The following C11orf65 variants were observed in gnomAD, a reference collection of about 807,000 sequenced individuals.
The protein encoded by C11orf65 is protein MFI.
C11orf65 carries 38 observed loss-of-function variants against 35.3 expected under a neutral mutation model. The ratio of observed to expected loss-of-function variants is 1.08; its 90% CI spans 0.83 to 1.41. The LOEUF is 1.41. C11orf65 is among the 40% of genes most tolerant of loss of function. The pLI, the probability that C11orf65 is intolerant of heterozygous loss-of-function variation, is 0.00. For synonymous variants in C11orf65, 105 were observed against 114.4 expected, an observed-to-expected ratio of 0.92 and a Z score of 0.53; for missense variants, 370 against 367.1, an observed-to-expected ratio of 1.01 and a Z score of -0.06.
At chr11:108,409,399 TATGTA>T (rs2092615505) in intron 3 of C11orf65, among the ~76,000 whole-genome samples, 1 of 152,166 alleles carries the variant, frequency 6.6e-6, no homozygotes, top group Admixed American at 6.5e-5. Context: ...GTATATATGG[TATGTA>T]AGTATACAGA....
downstream of C11orf65, chr11:108,329,043 A>T (rs1565526394): frequency 1.2e-6 from 2 of 1,614,128 alleles, no homozygotes; most frequent in East Asian, 4.5e-5. Context: ...GCTGGAAATT[A>T]TGATGGAGAA....
At chr11:108,334,038 G>T (rs547275130) in intron 3 of C11orf65, 2 of 1,215,766 alleles carry the variant, frequency 1.6e-6, no homozygotes, top group African/African-American at 3.0e-5. Context: ...ATTTGAAATA[G>T]TATTTTTATG....
chr11:108,407,997 TTTA>T (rs140542318), intron 3 of C11orf65, among the ~76,000 whole-genome samples: 8,954 of 139,474 alleles, frequency 0.064, 881 homozygotes, highest in African/African-American at 0.21. Context: ...TTAATTTCTT[TTTA>T]TTATTATTAT....
rs1404859898 is a variant in C11orf65, at chr11:108,401,752, C to G, written c.560+3677G>C. On this transcript the variant is annotated intron_variant, in intron 6 of 8. Coordinates refer to ENST00000393084, the MANE Select transcript of C11orf65 (RefSeq NM_152587.5). ...CACCTAAAATAACAAATATCCTCCT[C>G]TACCCCATCGGTCTCTCTGATTCCT... is the stretch of plus-strand genomic sequence containing the variant. Among the ~76,000 whole-genome samples the G allele has an allele frequency of 2.0e-5, 3 of 152,212 alleles. No individual in the cohort carries two copies. The East Asian group carries it at 5.8e-4, about 29-fold the overall frequency.
intron 2 of C11orf65, among the ~76,000 whole-genome samples, chr11:108,450,489 C>G (rs200507600): frequency 6.6e-6 from 1 of 151,140 alleles, no homozygotes; most frequent in East Asian, 1.9e-4. Flanking sequence ...ATGGATAAAA[C>G]TGGAAACCGT....
At chr11:108,376,771 G>A (rs946294691) in intron 2 of C11orf65, among the ~76,000 whole-genome samples, 13 of 151,938 alleles carry the variant, frequency 8.6e-5, no homozygotes, top group African/African-American at 2.9e-4. Flanking sequence ...GAATCAAATA[G>A]ACACAATAAA....
At position 108,449,952 on chromosome 11, in the gene C11orf65, C is replaced by A. The variant is rs538699055; in HGVS notation, c.81+11527G>T. On this transcript the variant is annotated intron_variant, in intron 2 of 8. Coordinates refer to ENST00000393084, the MANE Select transcript of C11orf65 (RefSeq NM_152587.5). ...AACAAATTTACAAGAGAAAAAAAAACCCATCAAAAAGTGGGCCAAGGATAT... is the reference window on the plus strand; with the variant it reads ...AACAAATTTACAAGAGAAAAAAAAAACCATCAAAAAGTGGGCCAAGGATAT... Among the ~76,000 whole-genome samples, 42 of 151,598 alleles carry A rather than the reference C, an allele frequency of 2.8e-4. 2 individuals carry two copies. The highest frequency in any genetic ancestry group is 1.0e-3 in the South Asian group (5 of 4,804).
At chr11:108,310,852 G>T (rs964966160) in intron 6 of C11orf65, among the ~76,000 whole-genome samples, 1 of 152,064 alleles carries the variant, frequency 6.6e-6, no homozygotes, top group Non-Finnish European at 1.5e-5. Flanking sequence ...GACTGAGTTA[G>T]AACTGTCATA....
intron 6 of C11orf65, among the ~76,000 whole-genome samples, chr11:108,399,126 C>T (rs753317110): frequency 2.6e-5 from 4 of 152,104 alleles, no homozygotes; most frequent in African/African-American, 9.7e-5. Context: ...CAAGACTCCA[C>T]GGTGCAACCA....
At chr11:108,407,044 T>C (rs900111113) in intron 4 of C11orf65, 52 bp downstream of exon 4, 144 of 1,574,928 alleles carry the variant, frequency 9.1e-5, no homozygotes, top group Non-Finnish European at 1.1e-4. Flanking sequence ...ATTGTTTCAA[T>C]TTCATAAAAA....
chr11:108,414,082 G>A (rs148732176), intron 3 of C11orf65, among the ~76,000 whole-genome samples: 1 of 151,978 alleles, frequency 6.6e-6, no homozygotes, highest in East Asian at 1.9e-4. Context: ...AGAAATCAAT[G>A]AAATTGATAA....
At chr11:108,440,080 C>G (rs186361625) in intron 2 of C11orf65, among the ~76,000 whole-genome samples, 1 of 152,204 alleles carries the variant, frequency 6.6e-6, no homozygotes, top group Admixed American at 6.5e-5. Context: ...AATAACAGGA[C>G]AAAGGTGAAG....
chr11:108,344,134 G>A (rs1270132766), intron 2 of C11orf65, among the ~76,000 whole-genome samples: 1 of 152,132 alleles, frequency 6.6e-6, no homozygotes, highest in East Asian at 1.9e-4. Flanking sequence ...TGCTTTCTGT[G>A]ACATGTTTTT....
At chr11:108,369,796 T>C (rs1052173931) in intron 2 of C11orf65, among the ~76,000 whole-genome samples, 9 of 152,346 alleles carry the variant, frequency 5.9e-5, no homozygotes, top group Admixed American at 3.9e-4. Context: ...AATAAAGTTA[T>C]TGTTATTTTG....
chr11:108,341,151 G>T (rs2087515077), intron 2 of C11orf65, among the ~76,000 whole-genome samples: 1 of 151,810 alleles, frequency 6.6e-6, no homozygotes, highest in African/African-American at 2.4e-5. Context: ...GTATAGATGA[G>T]TCATCTCCAC....
At chr11:108,374,891 T>G (rs1247564852) in intron 2 of C11orf65, among the ~76,000 whole-genome samples, 1 of 151,852 alleles carries the variant, frequency 6.6e-6, no homozygotes, top group Non-Finnish European at 1.5e-5. Flanking sequence ...GTATCAGCAA[T>G]GGAAAATGAA....
chr11:108,309,215 A>T, intron 6 of C11orf65: 1 of 533,550 alleles, frequency 1.9e-6, no homozygotes, highest in South Asian at 2.5e-5. Flanking sequence ...AACAACAAAA[A>T]AATTGCTTGC....
intron 6 of C11orf65, among the ~76,000 whole-genome samples, chr11:108,401,684 T>C (rs2092442270): frequency 6.6e-6 from 1 of 152,234 alleles, no homozygotes; most frequent in Non-Finnish European, 1.5e-5. Context: ...TAACTCTTTG[T>C]TCAGGGCTCA....
intron 2 of C11orf65, among the ~76,000 whole-genome samples, chr11:108,448,812 G>C (rs546403376): frequency 6.6e-6 from 1 of 152,028 alleles, no homozygotes; most frequent in Non-Finnish European, 1.5e-5. Flanking sequence ...GGAAATAAAG[G>C]GTATTCAATT....
Sources: gnomAD v4.1 joint callset for allele counts (sites outside exome capture counted in the v4.1 genomes callset) on GRCh38, gnomAD v4.1.1 for gene constraint, MANE v1.5 for transcripts, NCBI Gene and HGNC (gene_info 2026-07-23, HGNC 2026-07-21) for gene names.